NCF2: variants seen among roughly 807,000 people sequenced by gnomAD.
The protein encoded by NCF2 is neutrophil cytosolic factor 2.
NCF2 carries 45 observed loss-of-function variants against 70.9 expected under a neutral mutation model. The observed-to-expected ratio is 0.63, with a 90% confidence interval of 0.50 to 0.81. The LOEUF (loss-of-function observed/expected upper bound fraction) is 0.81, where lower values mean the gene tolerates loss of function less well. Among genes scored for constraint, NCF2 ranks in the 40% least tolerant of loss-of-function variants. The probability of loss-of-function intolerance (pLI) is 0.00; values close to 1 mark genes in which losing one functional copy is unlikely to be tolerated. For synonymous variants in NCF2, 203 were observed against 233.6 expected, an observed-to-expected ratio of 0.87 and a Z score of 1.19; for missense variants, 522 against 631.6, an observed-to-expected ratio of 0.83 and a Z score of 1.86.
chr1:183,563,653 G>T, intron 11 of NCF2, 68 bp from the exon 12 acceptor site: 3 of 1,594,800 alleles, frequency 1.9e-6, no homozygotes, highest in Non-Finnish European at 2.6e-6. Context: ...CTGGATCACC[G>T]CAGTTTCGTG....
intron 11 of NCF2, 189 bp from the exon 12 acceptor site, chr1:183,563,774 G>T: frequency 1.2e-6 from 1 of 822,326 alleles, no homozygotes; most frequent in Non-Finnish European, 2.0e-6. Context: ...TGCTTGGACA[G>T]GAATTCCTAC....
intron 9 of NCF2, 72 bp from the exon 10 acceptor site, chr1:183,565,851 A>G (rs1572153621): frequency 1.4e-6 from 2 of 1,445,002 alleles, no homozygotes; most frequent in Non-Finnish European, 1.9e-6. Flanking sequence ...GTGGGGAAAC[A>G]CCCCTACAGA....
the NCF2 span, among the ~76,000 whole-genome samples, chr1:183,600,483 T>C: frequency 1.3e-5 from 2 of 152,200 alleles, no homozygotes; most frequent in Non-Finnish European, 2.9e-5. Flanking sequence ...TCAAAGATTG[T>C]CTTCTGTTCA....
chr1:183,563,839 G>C, intron 11 of NCF2, 166 bp downstream of exon 11: 1 of 855,848 alleles, frequency 1.2e-6, no homozygotes. Context: ...CATGATAGTG[G>C]AGGAGGCTAT....
chr1:183,585,624 C>CAAAAAAAAAAAAAAAAAAAAAAA (rs750881920), intron 2 of NCF2, among the ~76,000 whole-genome samples: 11 of 114,582 alleles, frequency 9.6e-5, no homozygotes, highest in African/African-American at 5.0e-4. Context: ...AACTCCGTCT[C>CAAAAAAAAAAAAAAAAAAAAAAA]AAAAAAAAAA....
chr1:183,560,867 C>A (rs1053422224), intron 13 of NCF2, among the ~76,000 whole-genome samples: 7 of 152,196 alleles, frequency 4.6e-5, no homozygotes, highest in African/African-American at 1.7e-4. Flanking sequence ...ATTATTATTT[C>A]TTTACAGATG....
In NCF2 at chr1:183,556,157, G is replaced by A. The variant is rs769779675; in HGVS notation, c.1542C>T (p.Cys514=). 54 of 1,613,964 alleles carry A rather than the reference G, an allele frequency of 3.3e-5. No homozygotes were observed. The highest frequency in any genetic ancestry group is 4.5e-5 in the Non-Finnish European group (53 of 1,179,998). Residue 514 remains cysteine, a synonymous_variant, in exon 15 of 15, where the codon TGC becomes TGT. Transcript: ENST00000367535. ...GIFPKVFVED[C]ATTDLESTRR... is the part of the protein sequence containing the mutation. ...GAGTGCTTTCCAAATCTGTAGTTGC[G>A]CAGTCTTCAACAAAAACTTTGGGGA...
chr1:183,579,627 T>C (rs1229380608), intron 2 of NCF2, among the ~76,000 whole-genome samples: 2 of 148,566 alleles, frequency 1.3e-5, no homozygotes, highest in African/African-American at 5.0e-5. Flanking sequence ...TAGTCCCAGC[T>C]ACTCAGGAGG....
intron 2 of NCF2, among the ~76,000 whole-genome samples, chr1:183,584,902 A>T (rs1673272793): frequency 6.6e-6 from 1 of 151,756 alleles, no homozygotes; most frequent in South Asian, 2.1e-4. Flanking sequence ...AATTAAAATT[A>T]AAAAAAGAAT....
chr1:183,564,100 C>T, intron 10 of NCF2, 70 bp from the exon 11 acceptor site: 1 of 1,465,372 alleles, frequency 6.8e-7, no homozygotes, highest in Non-Finnish European at 9.6e-7. Context: ...GCCCCTGCCA[C>T]ACACAGATGA....
the NCF2 span, chr1:183,597,729 A>G: frequency 6.6e-6 from 1 of 152,240 alleles, no homozygotes; most frequent in African/African-American, 2.4e-5. Context: ...ATTTTCTGCA[A>G]AACAAAATTT....
intron 2 of NCF2, among the ~76,000 whole-genome samples, chr1:183,578,324 A>C (rs1672895998): frequency 6.6e-6 from 1 of 152,038 alleles, no homozygotes; most frequent in Non-Finnish European, 1.5e-5. Flanking sequence ...AAGAAAAAAA[A>C]ACAACCACTT....
intron 2 of NCF2, among the ~76,000 whole-genome samples, chr1:183,579,991 A>T (rs35205865): frequency 6.6e-6 from 1 of 152,262 alleles, no homozygotes; most frequent in Non-Finnish European, 1.5e-5. Flanking sequence ...AGGATATTTT[A>T]AAAATACATG....
the NCF2 span, chr1:183,598,248 T>C: frequency 1.3e-5 from 2 of 152,238 alleles, no homozygotes; most frequent in Admixed American, 6.5e-5. Context: ...TTTGCTTAAG[T>C]TTGCTGTAAT....
chr1:183,575,299 G>GCCA (rs1672752297), intron 3 of NCF2, among the ~76,000 whole-genome samples: 10 of 152,206 alleles, frequency 6.6e-5, no homozygotes, highest in Non-Finnish European at 1.5e-4. Flanking sequence ...GAGAAACCCT[G>GCCA]TCTCTACTAA....
At position 183,556,203 on chromosome 1, in the gene NCF2, C is replaced by T. The variant is rs755918616; in HGVS notation, c.1496G>A (p.Cys499Tyr). ...KVNEEWLEGE[C>Y]KGKVGIFPKV... ...GGGGAAAATGCCCACCTTCCCTTTG[C>T]ACTCCCCTTCCAGCCATTCTTCATT... Residue 499 changes from cysteine (C) to tyrosine (Y), a missense_variant, in exon 15 of 15, where the codon TGC (cysteine) becomes TAC (tyrosine). Physicochemically the swap from Cys to Tyr is radical, Grantham distance 194. Coordinates refer to ENST00000367535, the MANE Select transcript of NCF2 (RefSeq NM_000433.4). 1 of 1,614,154 alleles carries T rather than the reference C, an allele frequency of 6.2e-7. No homozygotes were observed. Among genetic ancestry groups the T allele is most frequent in the Admixed American group, 1.7e-5 (1 of 60,028 alleles).
chr1:183,582,469 G>A (rs1673160790), intron 2 of NCF2, among the ~76,000 whole-genome samples: 1 of 152,238 alleles, frequency 6.6e-6, no homozygotes, highest in African/African-American at 2.4e-5. Flanking sequence ...GCTTGAGAGA[G>A]TTTATAATCC....
At chr1:183,575,295 C>T (rs1442646594) in intron 3 of NCF2, among the ~76,000 whole-genome samples, 1 of 152,178 alleles carries the variant, frequency 6.6e-6, no homozygotes, top group African/African-American at 2.4e-5. Context: ...CATGGAGAAA[C>T]CCTGTCTCTA....
upstream of NCF2, chr1:183,590,596 G>T: frequency 1.9e-6 from 1 of 520,336 alleles, no homozygotes; most frequent in East Asian, 3.6e-5. Context: ...GCGAGTAGGG[G>T]TGGAGTGTGG....
Sources: allele counts gnomAD v4.1 joint callset (sites outside exome capture counted in the v4.1 genomes callset), GRCh38; gene constraint gnomAD v4.1.1; transcripts MANE v1.5; gene names NCBI Gene and HGNC (gene_info 2026-07-23, HGNC 2026-07-21).